WDR70: variants seen among roughly 807,000 people sequenced by gnomAD.
WDR70 encodes WD repeat-containing protein 70.
In WDR70, 53 loss-of-function variants were observed where a neutral mutation model predicts 88.6. The observed-to-expected ratio is 0.60, with a 90% CI of 0.48 to 0.75. The LOEUF (loss-of-function observed/expected upper bound fraction) is 0.75. Ranked by LOEUF, WDR70 falls within the 30% of genes least tolerant of loss-of-function variation. The pLI, the probability that WDR70 is intolerant of heterozygous loss-of-function variation, is 0.00. For missense variants in WDR70, 610 were observed against 823.2 expected (o/e 0.74, Z 3.17); for synonymous variants, 280 against 270.0 (o/e 1.04, Z -0.36).
intron 10 of WDR70, among the ~76,000 whole-genome samples, chr5:37,689,522 A>G (rs1746720301): frequency 6.6e-6 from 1 of 152,236 alleles, no homozygotes; most frequent in Non-Finnish European, 1.5e-5. Context: ...GCTGTTCTGC[A>G]ATATTTGCTG....
chr5:37,670,954 C>T (rs1379456231), intron 10 of WDR70, among the ~76,000 whole-genome samples: 2 of 152,278 alleles, frequency 1.3e-5, no homozygotes, highest in Non-Finnish European at 1.5e-5. Flanking sequence ...CTTGTATCCG[C>T]ATTGTCCTTC....
At chr5:37,547,534 T>A (rs1335487411) in intron 9 of WDR70, among the ~76,000 whole-genome samples, 2 of 152,184 alleles carry the variant, frequency 1.3e-5, no homozygotes, top group Non-Finnish European at 2.9e-5. Flanking sequence ...TGTATATATT[T>A]ATGGGGTACA....
intron 8 of WDR70, among the ~76,000 whole-genome samples, chr5:37,491,398 C>T (rs1740065137): frequency 6.6e-6 from 1 of 152,202 alleles, no homozygotes; most frequent in Admixed American, 6.5e-5. Context: ...TTTATCAGTT[C>T]ATCTAGAGCT....
At chr5:37,525,725 G>T (rs1741246577) in intron 9 of WDR70, among the ~76,000 whole-genome samples, 1 of 152,142 alleles carries the variant, frequency 6.6e-6, no homozygotes, top group African/African-American at 2.4e-5. Flanking sequence ...AAAATTGATA[G>T]ACTGCAAGCA....
At chr5:37,384,456 T>G (rs1320283372) in intron 3 of WDR70, among the ~76,000 whole-genome samples, 1 of 151,482 alleles carries the variant, frequency 6.6e-6, no homozygotes, top group Non-Finnish European at 1.5e-5. Context: ...GTCAGGAGAT[T>G]GAGACCATCC....
At chr5:37,604,686 A>G (rs1743980014) in intron 9 of WDR70, among the ~76,000 whole-genome samples, 1 of 152,238 alleles carries the variant, frequency 6.6e-6, no homozygotes, top group Admixed American at 6.5e-5. Context: ...GCATTAACAC[A>G]TGTAAGTGAT....
chr5:37,489,870 G>A (rs1740012785), intron 8 of WDR70, among the ~76,000 whole-genome samples: 1 of 151,924 alleles, frequency 6.6e-6, no homozygotes, highest in Admixed American at 6.5e-5. Flanking sequence ...ATGTATACAT[G>A]TGCCATGCTG....
intron 10 of WDR70, among the ~76,000 whole-genome samples, chr5:37,674,515 G>A (rs1746137303): frequency 6.6e-6 from 1 of 152,092 alleles, no homozygotes; most frequent in Non-Finnish European, 1.5e-5. Flanking sequence ...AGTTTACTGA[G>A]AATGATGATT....
intron 9 of WDR70, among the ~76,000 whole-genome samples, chr5:37,562,648 T>C (rs1742549839): frequency 6.6e-6 from 1 of 152,146 alleles, no homozygotes; most frequent in South Asian, 2.1e-4. Flanking sequence ...TGGTGATGAC[T>C]CTTAACGAGC....
chr5:37,673,816 A>G (rs1448334396), intron 10 of WDR70, among the ~76,000 whole-genome samples: 1 of 150,682 alleles, frequency 6.6e-6, no homozygotes, highest in Non-Finnish European at 1.5e-5. Context: ...CCCCCTCCCC[A>G]TGTGTCCATG....
intron 9 of WDR70, among the ~76,000 whole-genome samples, chr5:37,587,644 C>T (rs1213594330): frequency 6.6e-6 from 1 of 152,102 alleles, no homozygotes; most frequent in African/African-American, 2.4e-5. Flanking sequence ...TTTTGTATCT[C>T]CATGTATCCA....
At chr5:37,504,524 C>T (rs1023725965) in intron 8 of WDR70, among the ~76,000 whole-genome samples, 2 of 152,024 alleles carry the variant, frequency 1.3e-5, no homozygotes, top group African/African-American at 4.8e-5. Flanking sequence ...AAATATAGTA[C>T]AGAATGAAAT....
At chr5:37,583,786 C>T (rs143006669) in intron 9 of WDR70, among the ~76,000 whole-genome samples, 1 of 152,282 alleles carries the variant, frequency 6.6e-6, no homozygotes, top group East Asian at 1.9e-4. Context: ...ATTTCTTTAA[C>T]ATACATCACA....
At chr5:37,587,368 A>G (rs1338140717) in intron 9 of WDR70, among the ~76,000 whole-genome samples, 1 of 151,602 alleles carries the variant, frequency 6.6e-6, no homozygotes, top group African/African-American at 2.4e-5. Context: ...TAGACTGTGC[A>G]TTTTAAGCCC....
chr5:37,673,583 A>ACCCCCCCCCCC (rs139281997), intron 10 of WDR70, among the ~76,000 whole-genome samples: 2 of 76,228 alleles, frequency 2.6e-5, no homozygotes, highest in African/African-American at 5.4e-5. Context: ...GACTTTTCTT[A>ACCCCCCCCCCC]CCCCCCCCCC....
chr5:37,567,562 C>A (rs905714010), intron 9 of WDR70, among the ~76,000 whole-genome samples: 4 of 152,056 alleles, frequency 2.6e-5, no homozygotes, highest in Non-Finnish European at 5.9e-5. Context: ...AGCAACCCCC[C>A]AAAGATGCAT....
chr5:37,697,791 T>C, intron 11 of WDR70, 37 bp downstream of exon 11: 1 of 1,527,794 alleles, frequency 6.5e-7, no homozygotes. Flanking sequence ...TATTTCTCTA[T>C]ATAAAATAAT....
intron 8 of WDR70, among the ~76,000 whole-genome samples, chr5:37,498,972 G>A (rs1374621319): frequency 1.3e-5 from 2 of 152,148 alleles, no homozygotes; most frequent in Non-Finnish European, 2.9e-5. Flanking sequence ...GAGAGTTTCC[G>A]TTGCTCTGTA....
At chr5:37,464,138 A>G (rs1035780298) in intron 7 of WDR70, among the ~76,000 whole-genome samples, 9 of 152,242 alleles carry the variant, frequency 5.9e-5, no homozygotes, top group African/African-American at 2.2e-4. Context: ...CTGTTTTAAA[A>G]TAAAAATAAA....
Sources: allele counts gnomAD v4.1 joint callset (sites outside exome capture counted in the v4.1 genomes callset), GRCh38; gene constraint gnomAD v4.1.1; transcripts MANE v1.5; gene names NCBI Gene and HGNC (gene_info 2026-07-23, HGNC 2026-07-21).